NTRK2: variants seen among roughly 807,000 people sequenced by gnomAD.
NTRK2 encodes neurotrophic receptor tyrosine kinase 2.
A neutral mutation model predicts 94.5 loss-of-function variants in NTRK2; 13 were observed. The observed-to-expected ratio is 0.14, with a 90% CI of 0.09 to 0.22. The LOEUF is 0.22. NTRK2 is among the 10% of genes least tolerant of loss of function. NTRK2 has a pLI of 1.00. For synonymous variants in NTRK2, 372 were observed against 407.4 expected (o/e 0.91, Z 1.05); for missense variants, 639 against 1,071.2 (o/e 0.60, Z 5.63).
chr9:84,955,811 A>G (rs1169803671), intron 17 of NTRK2, among the ~76,000 whole-genome samples: 3 of 152,142 alleles, frequency 2.0e-5, no homozygotes, highest in Non-Finnish European at 4.4e-5. Flanking sequence ...TCTTTTAAGG[A>G]CACCAGTCAG....
In NTRK2 at chr9:84,984,526, C is replaced by T. The variant is rs139255003; in HGVS notation, c.2172+29009C>T. 3.7e-3 allele frequency among the ~76,000 whole-genome samples: 560 copies of T among 152,174 alleles called. 4 individuals carry two copies. The highest frequency in any genetic ancestry group is 0.013 in the African/African-American group (536 of 41,520). ...ACAAAAAAAAGATTTCTAGGTTCTG[C>T]CACAGTTTCTGATTCAGTAGGCTTA... On this transcript the variant is annotated intron_variant, in intron 17 of 18. Transcript: ENST00000277120.
chr9:84,878,254 A>T (rs2076143805), intron 14 of NTRK2, among the ~76,000 whole-genome samples: 1 of 152,258 alleles, frequency 6.6e-6, no homozygotes, highest in Non-Finnish European at 1.5e-5. Context: ...AAATAAAGCC[A>T]GCATAATCCC....
Position 84,811,848 on chromosome 9 carries a change from A to G in NTRK2, c.1397-49192A>G, listed in dbSNP as rs201158394. ...ACTTTAGCATCACAGTGACCTTTGTATGCTCTGTTCAGTCTGTGTCAGGCA... is the reference window on the plus strand; with the variant it reads ...ACTTTAGCATCACAGTGACCTTTGTGTGCTCTGTTCAGTCTGTGTCAGGCA... On this transcript the variant is annotated intron_variant, in intron 12 of 18. Transcript: ENST00000277120. 1.2e-5 allele frequency: 13 copies of G among 1,064,970 alleles called. No homozygotes were observed. In the Admixed American group the frequency reaches 1.6e-4, roughly 13 times the overall value. 66.0% of individuals were successfully genotyped at this position (1,064,970 alleles called of 1,614,324 possible).
At chr9:85,020,919 T>C (rs2117980382) in intron 18 of NTRK2, among the ~76,000 whole-genome samples, 1 of 152,322 alleles carries the variant, frequency 6.6e-6, no homozygotes, top group African/African-American at 2.4e-5. Context: ...TGTCAGTCAG[T>C]GCCTTAACAC....
chr9:84,730,783 CAAAAAAAAAAA>C, intron 9 of NTRK2, among the ~76,000 whole-genome samples: 4 of 24,142 alleles, frequency 1.7e-4, no homozygotes, highest in Admixed American at 9.4e-4. Flanking sequence ...AAACAAATAG[CAAAAAAAAAAA>C]AAAAAAAAAA....
chr9:84,841,268 C>T (rs2074167711), intron 12 of NTRK2, among the ~76,000 whole-genome samples: 1 of 152,194 alleles, frequency 6.6e-6, no homozygotes, highest in Admixed American at 6.5e-5. Flanking sequence ...CTTGGCATGA[C>T]CAACACAGAG....
At chr9:84,798,522 G>T (rs139305087) in intron 12 of NTRK2, among the ~76,000 whole-genome samples, 147 of 152,304 alleles carry the variant, frequency 9.7e-4, no homozygotes, top group African/African-American at 3.3e-3. Flanking sequence ...GGCTGGCCCT[G>T]TGCCCTGGAG....
intron 12 of NTRK2, chr9:84,811,038 C>A: frequency 9.3e-7 from 1 of 1,080,828 alleles, no homozygotes; most frequent in Non-Finnish European, 1.1e-6. Context: ...GTCTAATCTA[C>A]ATGTAACACA....
chr9:84,843,933 T>C lies in NTRK2; in HGVS notation c.1397-17107T>C, dbSNP rs77879737. Among the ~76,000 whole-genome samples, 834 of 152,220 alleles carry C rather than the reference T, an allele frequency of 5.5e-3. 10 individuals carry two copies. Among genetic ancestry groups the C allele is most frequent in the Admixed American group, 6.3e-3 (97 of 15,288 alleles). On this transcript the variant is annotated intron_variant, in intron 12 of 18. Coordinates refer to ENST00000277120, the MANE Select transcript of NTRK2 (RefSeq NM_006180.6). ...GCTGATTTTTGAGGGAAAAGGATTT[T>C]AAGGGGGAAGGATTGGCATTGACAA...
At chr9:84,876,058 T>G in intron 14 of NTRK2, 2 of 1,027,130 alleles carry the variant, frequency 1.9e-6, no homozygotes, top group Non-Finnish European at 2.3e-6. Flanking sequence ...TGGGTAGAGA[T>G]CAATATTCTT....
In NTRK2 at chr9:84,996,855, G is replaced by A. The variant is rs1421441713; in HGVS notation, c.2173-23351G>A. ...AGGTATGTGCCAAACATCATGGCAG[G>A]TGCCCTGCAAGCAGGCTTAGCTAGA... is the stretch of plus-strand genomic sequence containing the variant. On this transcript the variant is annotated intron_variant, in intron 17 of 18. Transcript: ENST00000277120. Among the ~76,000 whole-genome samples the A allele has an allele frequency of 3.3e-5, 5 of 152,252 alleles. No homozygotes were observed. In the East Asian group the frequency reaches 5.8e-4, roughly 18 times the overall value.
At chr9:84,887,930 A>G (rs1169983798) in intron 14 of NTRK2, among the ~76,000 whole-genome samples, 1 of 152,238 alleles carries the variant, frequency 6.6e-6, no homozygotes, top group Non-Finnish European at 1.5e-5. Flanking sequence ...CAAAAGTGAC[A>G]CATGATCTTA....
intron 2 of NTRK2, among the ~76,000 whole-genome samples, chr9:84,701,671 A>G (rs1258094900): frequency 1.3e-5 from 2 of 152,188 alleles, no homozygotes; most frequent in East Asian, 1.9e-4. Flanking sequence ...ATAGAGAGAA[A>G]AGAGGAAGGG....
intron 9 of NTRK2, among the ~76,000 whole-genome samples, chr9:84,732,094 CA>C (rs146179019): frequency 6.6e-6 from 1 of 152,096 alleles, no homozygotes; most frequent in East Asian, 1.9e-4. Context: ...GTGTTTAAGG[CA>C]AAAAATGCAA....
At chr9:84,847,926 A>G (rs1444268354) in intron 12 of NTRK2, among the ~76,000 whole-genome samples, 2 of 152,182 alleles carry the variant, frequency 1.3e-5, no homozygotes, top group African/African-American at 4.8e-5. Flanking sequence ...AACAACAGAC[A>G]TTTATTTTCT....
chr9:84,944,822 G>T (rs1399886682), intron 15 of NTRK2, among the ~76,000 whole-genome samples: 2 of 152,208 alleles, frequency 1.3e-5, no homozygotes, highest in Non-Finnish European at 2.9e-5. Flanking sequence ...GACTGGTTGT[G>T]GTTTCAAATT....
chr9:84,830,997 A>T (rs982753491), intron 12 of NTRK2, among the ~76,000 whole-genome samples: 2 of 152,216 alleles, frequency 1.3e-5, no homozygotes, highest in Admixed American at 1.3e-4. Flanking sequence ...ATTTACAAGG[A>T]TTTCTTCATG....
At chr9:84,757,471 T>G (rs1438808241) in intron 12 of NTRK2, among the ~76,000 whole-genome samples, 2 of 152,236 alleles carry the variant, frequency 1.3e-5, no homozygotes, top group Non-Finnish European at 2.9e-5. Flanking sequence ...CCTAGCTATC[T>G]ACTACATTCC....
At chr9:84,993,439 C>A (rs1829344177) in intron 17 of NTRK2, among the ~76,000 whole-genome samples, 1 of 152,176 alleles carries the variant, frequency 6.6e-6, no homozygotes, top group African/African-American at 2.4e-5. Flanking sequence ...CCATCATCTG[C>A]CAAGTTCTGT....
Sources: gnomAD v4.1 joint callset for allele counts (sites outside exome capture counted in the v4.1 genomes callset) on GRCh38, gnomAD v4.1.1 for gene constraint, MANE v1.5 for transcripts, NCBI Gene and HGNC (gene_info 2026-07-23, HGNC 2026-07-21) for gene names.